SHF: variants seen among roughly 807,000 people sequenced by gnomAD.
SHF encodes the protein SH2 domain-containing adapter protein F.
Under a neutral mutation model 42.4 loss-of-function variants are expected in SHF, and 30 were observed. That is an observed-to-expected ratio of 0.71 (90% CI 0.53 to 0.96). The LOEUF is 0.96. Ranked by LOEUF, SHF falls within the 40% of genes least tolerant of loss-of-function variation. SHF has a pLI of 0.00. For synonymous variants in SHF, 264 were observed against 269.9 expected (o/e 0.98, Z 0.21); for missense variants, 598 against 634.0 (o/e 0.94, Z 0.61).
chr15:45,190,040 C>T (rs1405024991), upstream of SHF, among the ~76,000 whole-genome samples: 1 of 152,128 alleles, frequency 6.6e-6, no homozygotes, highest in African/African-American at 2.4e-5. Context: ...CAGTGCTTCT[C>T]AAACTTTAAT....
exon 1 of SHF, chr15:45,200,979 A>G (rs1487944594): frequency 7.5e-6 from 3 of 401,770 alleles, no homozygotes. Flanking sequence ...CGTACAGCCA[A>G]GAGGAGACTT....
intron 1 of SHF, chr15:45,199,181 C>T: frequency 1.6e-6 from 2 of 1,275,044 alleles, no homozygotes; most frequent in Non-Finnish European, 2.1e-6. Context: ...GTTCCCAACA[C>T]CCACTTCCTT....
In SHF at chr15:45,167,227, C is replaced by G. The variant is rs563378940; in HGVS notation, c.*720G>C. The G allele has an allele frequency of 1.3e-5, 2 of 152,250 alleles. No homozygotes were observed. Among genetic ancestry groups the G allele is most frequent in the East Asian group, 1.9e-4 (1 of 5,162 alleles). The allele number at this position is 152,250 out of a possible 1,614,324, so 9.4% of individuals were successfully genotyped here. A position where few individuals can be genotyped will look rare whatever the true frequency, so the allele number is the denominator to read the frequency against. Reference sequence around the variant, plus strand: ...ATGCTTCGAAAGTGCTTTTCACAGCCGGGCTGTGTCTGCTCCAGAGCTGAT... The same window carrying G: ...ATGCTTCGAAAGTGCTTTTCACAGCGGGGCTGTGTCTGCTCCAGAGCTGAT... On this transcript the variant is annotated 3_prime_UTR_variant, in exon 7 of 7. Coordinates refer to ENST00000690270, the MANE Select transcript of SHF (RefSeq NM_001394037.1).
chr15:45,197,711 C>T (rs752713508), intron 2 of SHF, among the ~76,000 whole-genome samples: 15 of 151,748 alleles, frequency 9.9e-5, no homozygotes, highest in Non-Finnish European at 1.8e-4. Context: ...GGAACAGGAC[C>T]AGAAATAGGT....
intron 4 of SHF, among the ~76,000 whole-genome samples, chr15:45,173,271 C>T (rs745317430): frequency 2.0e-5 from 3 of 152,178 alleles, no homozygotes; most frequent in Non-Finnish European, 4.4e-5. Context: ...TGTCCCACCC[C>T]CAGCTCAGGA....
intron 1 of SHF, among the ~76,000 whole-genome samples, chr15:45,185,681 C>G (rs140002999): frequency 1.3e-5 from 2 of 152,330 alleles, no homozygotes; most frequent in South Asian, 2.1e-4. Flanking sequence ...GATCACAGAG[C>G]TGACCCAAGC....
chr15:45,190,164 G>C (rs117171416), upstream of SHF, among the ~76,000 whole-genome samples: 1 of 152,214 alleles, frequency 6.6e-6, no homozygotes, highest in South Asian at 2.1e-4. Flanking sequence ...CACATGTTGA[G>C]TAGCTGGACT....
intron 1 of SHF, among the ~76,000 whole-genome samples, chr15:45,179,469 C>G (rs1318324140): frequency 5.1e-5 from 3 of 59,070 alleles, no homozygotes; most frequent in African/African-American, 2.2e-4. Context: ...CCTACGCTGC[C>G]CCTTTCTCCC....
intron 2 of SHF, among the ~76,000 whole-genome samples, chr15:45,194,057 G>A (rs1295635982): frequency 2.7e-5 from 4 of 146,062 alleles, no homozygotes; most frequent in East Asian, 4.1e-4. Context: ...AGCCAAGATC[G>A]TGCCACTGTA....
rs1898516068 is a variant in SHF, at chr15:45,187,725, T to C, written c.227A>G (p.Tyr76Cys). The change falls in exon 1 of 7, where the codon TAC (tyrosine) becomes TGC (cysteine). Residue 76 changes from tyrosine to cysteine, a missense_variant. Around this residue, in one of 2 missense-constraint regions of SHF, gnomAD observed 159 missense variants for 109.3 expected, o/e 1.45. Coordinates refer to ENST00000690270, the MANE Select transcript of SHF (RefSeq NM_001394037.1). Reference protein sequence around the residue: ...GSKPAPPEPDYRPPAPSPAAP... With the variant: ...GSKPAPPEPDCRPPAPSPAAP... ...GGCCGGAGAGGGCGCAGGGGGGCGGTAGTCGGGCTCGGGGGGCGCCGGCTT... is the reference window on the plus strand; with the variant it reads ...GGCCGGAGAGGGCGCAGGGGGGCGGCAGTCGGGCTCGGGGGGCGCCGGCTT... 1.9e-6 allele frequency: 2 copies of C among 1,035,338 alleles called. No individual in the cohort carries two copies. Among genetic ancestry groups the C allele is most frequent in the Non-Finnish European group, 2.5e-6 (2 of 814,056 alleles). The allele number at this position is 1,035,338 out of a possible 1,614,324, so 64.1% of individuals were successfully genotyped here. A position where few individuals can be genotyped will look rare whatever the true frequency, so the allele number is the denominator to read the frequency against.
At chr15:45,199,227 T>C (rs910815170) in intron 1 of SHF, 6 of 846,304 alleles carry the variant, frequency 7.1e-6, no homozygotes, top group Admixed American at 3.1e-5. Flanking sequence ...CCCTGACTCC[T>C]CCTGACTCCT....
intron 6 of SHF, chr15:45,171,114 G>C (rs1897463102): frequency 6.5e-6 from 1 of 153,550 alleles, no homozygotes; most frequent in Non-Finnish European, 1.4e-5. Flanking sequence ...TGTCCTACTA[G>C]TGATGGTGGG....
chr15:45,191,758 T>G (rs59624786), upstream of SHF, among the ~76,000 whole-genome samples: 15,050 of 151,976 alleles, frequency 0.099, 2,466 homozygotes, highest in African/African-American at 0.34. Context: ...AAATTTTTTT[T>G]GGGGAAAACT....
In SHF at chr15:45,173,453, C is replaced by G. The variant is rs138576677; in HGVS notation, c.988+123G>C. On this transcript the variant is annotated intron_variant, in intron 4 of 6. Coordinates refer to ENST00000690270, the MANE Select transcript of SHF (RefSeq NM_001394037.1). Reference sequence around the variant, plus strand: ...ACGTGCATTTTGTCTCTTCCTTCTTCCCAAATGAGATTCTTCCTGGGGTCT... The same window carrying G: ...ACGTGCATTTTGTCTCTTCCTTCTTGCCAAATGAGATTCTTCCTGGGGTCT... The G allele has an allele frequency of 3.5e-5, 48 of 1,376,672 alleles. No homozygotes were observed. In the East Asian group the frequency reaches 1.3e-3, roughly 37 times the overall value. The allele number at this position is 1,376,672 out of a possible 1,614,324, so 85.3% of individuals were successfully genotyped here.
At chr15:45,200,799 G>A in exon 1 of SHF, 1 of 456,262 alleles carries the variant, frequency 2.2e-6, no homozygotes, top group Non-Finnish European at 4.4e-6. Flanking sequence ...AAGAGCTCCA[G>A]TCCCAGCCAA....
In SHF at chr15:45,187,691, G is replaced by C; in HGVS notation, c.261C>G (p.Pro87=). The C allele has an allele frequency of 8.3e-7, 1 of 1,207,680 alleles. No homozygotes were observed. Among genetic ancestry groups the C allele is most frequent in the Non-Finnish European group, 1.0e-6 (1 of 967,608 alleles). 74.8% of individuals were successfully genotyped at this position (1,207,680 alleles called of 1,614,324 possible). A position where few individuals can be genotyped will look rare whatever the true frequency, so the allele number is the denominator to read the frequency against. ...RPPAPSPAAP[P]APPPDILAAY... is the part of the protein sequence containing the mutation. ...CGGCCAGGATGTCCGGGGGCGGCGC[G>C]GGGGGCGCGGCCGGAGAGGGCGCAG... Residue 87 remains proline, a synonymous_variant, in exon 1 of 7, where the codon CCC becomes CCG. Transcript: ENST00000690270.
In SHF at chr15:45,168,030, G is replaced by A. The variant is rs1897304040; in HGVS notation, c.1384C>T (p.His462Tyr). ...GGTAGCTTGCGGCTGGCATAGTGGT[G>A]CACAATTTCAGGGACGCTGCTGAAG... ...PPFSSVPEIV[H>Y]HYASRKLPIK... is the part of the protein sequence containing the mutation. Residue 462 changes from histidine (H) to tyrosine (Y), a missense_variant, in exon 7 of 7, where the codon CAC becomes TAC. His to Tyr is a moderately conservative substitution (Grantham distance 83). Coordinates refer to ENST00000690270, the MANE Select transcript of SHF (RefSeq NM_001394037.1). The A allele has an allele frequency of 2.5e-6, 4 of 1,613,674 alleles. No individual in the cohort carries two copies. Among genetic ancestry groups the A allele is most frequent in the Non-Finnish European group, 3.4e-6 (4 of 1,179,708 alleles).
chr15:45,169,169 C>T (rs1897351120), intron 6 of SHF, among the ~76,000 whole-genome samples: 1 of 152,216 alleles, frequency 6.6e-6, no homozygotes, highest in Admixed American at 6.5e-5. Context: ...TGCCTCCATC[C>T]TGAGGTCCAC....
Position 45,187,760 on chromosome 15 carries a change from TCCGCCG to T in SHF, c.186_191del (p.Gly65_Gly66del). The T allele has an allele frequency of 1.1e-6, 1 of 943,712 alleles. No homozygotes were observed. Among genetic ancestry groups the T allele is most frequent in the Non-Finnish European group, 1.4e-6 (1 of 734,356 alleles). 58.5% of individuals were successfully genotyped at this position (943,712 alleles called of 1,614,324 possible). ...CGGGGGGCGCCGGCTTGCTGCCCCC[TCCGCCG>T]CCGCCCCCCCCGCGGAAGCCCAGGT... is the stretch of plus-strand genomic sequence containing the variant. On this transcript the variant is annotated inframe_deletion, in exon 1 of 7. Coordinates refer to ENST00000690270, the MANE Select transcript of SHF (RefSeq NM_001394037.1).
Sources: gnomAD v4.1 joint callset for allele counts (sites outside exome capture counted in the v4.1 genomes callset) on GRCh38, gnomAD v4.1.1 for gene constraint, gnomAD v4.1.1 regional missense constraint, MANE v1.5 for transcripts, NCBI Gene and HGNC (gene_info 2026-07-23, HGNC 2026-07-21) for gene names.